MAD1L1: variants seen among roughly 807,000 people sequenced by gnomAD.
The protein encoded by MAD1L1 is mitotic spindle assembly checkpoint protein MAD1.
In MAD1L1, 95 loss-of-function variants were observed where a neutral mutation model predicts 96.9. The observed-to-expected ratio is 0.98, with a 90% CI of 0.83 to 1.16. The LOEUF is 1.16. Ranked by LOEUF, MAD1L1 falls within the 50% of genes most tolerant of loss-of-function variation. The pLI is 0.00. For synonymous variants in MAD1L1, 473 were observed against 396.6 expected (o/e 1.19, Z -2.29); for missense variants, 1,007 against 954.4 (o/e 1.06, Z -0.73).
intron 11 of MAD1L1, among the ~76,000 whole-genome samples, chr7:2,110,496 A>G (rs1787325680): frequency 6.6e-6 from 1 of 152,140 alleles, no homozygotes; most frequent in Admixed American, 6.5e-5. Flanking sequence ...GACAGAGTTC[A>G]CTTCTTCTGA....
At chr7:1,889,575 C>A (rs1786406940) in intron 18 of MAD1L1, among the ~76,000 whole-genome samples, 1 of 151,782 alleles carries the variant, frequency 6.6e-6, no homozygotes, top group African/African-American at 2.4e-5. Flanking sequence ...GCCCCTGCAC[C>A]ATCTCCTATG....
chr7:2,076,529 A>G (rs796190965), intron 11 of MAD1L1, among the ~76,000 whole-genome samples: 31 of 152,324 alleles, frequency 2.0e-4, no homozygotes, highest in African/African-American at 6.7e-4. Flanking sequence ...GTGAGCCCGA[A>G]CACAGACGGT....
intron 18 of MAD1L1, among the ~76,000 whole-genome samples, chr7:1,869,774 C>T (rs1562474462): frequency 6.6e-6 from 1 of 152,188 alleles, no homozygotes. Flanking sequence ...CTCCATGGAA[C>T]ACATCACGAC....
At chr7:2,062,625 T>C (rs1784711959) in intron 12 of MAD1L1, among the ~76,000 whole-genome samples, 1 of 151,698 alleles carries the variant, frequency 6.6e-6, no homozygotes, top group African/African-American at 2.4e-5. Context: ...GCCCTGGAGC[T>C]GAGGGAGCGG....
intron 18 of MAD1L1, among the ~76,000 whole-genome samples, chr7:1,857,480 C>G (rs566390238): frequency 2.0e-5 from 3 of 152,306 alleles, no homozygotes; most frequent in Non-Finnish European, 4.4e-5. Flanking sequence ...TCCCCCACCC[C>G]GCGTGTGCAG....
chr7:1,842,228 G>C (rs558031024), intron 18 of MAD1L1, among the ~76,000 whole-genome samples: 1 of 152,158 alleles, frequency 6.6e-6, no homozygotes, highest in East Asian at 1.9e-4. Context: ...CTACCATGCC[G>C]GTAATTAAGC....
chr7:2,058,902 G>A (rs878877329), intron 12 of MAD1L1, among the ~76,000 whole-genome samples: 10 of 44,442 alleles, frequency 2.3e-4, no homozygotes, highest in African/African-American at 7.3e-4. Context: ...GTGTGGCCAG[G>A]GGAGAGGCGC....
At chr7:1,836,525 G>T (rs1782944558) in intron 18 of MAD1L1, among the ~76,000 whole-genome samples, 1 of 152,166 alleles carries the variant, frequency 6.6e-6, no homozygotes, top group Non-Finnish European at 1.5e-5. Flanking sequence ...TATTCAAAAT[G>T]GAGTCACTCT....
chr7:2,033,188 C>T lies in MAD1L1; in HGVS notation c.1219-18546G>A, dbSNP rs117368852. ...TGTGCTGGCCAGGAGGTGGGCCCTT[C>T]GATCATCCCATTCTCACAGAGACAG... is the stretch of plus-strand genomic sequence containing the variant. On this transcript the variant is annotated intron_variant, in intron 12 of 18. Coordinates refer to ENST00000265854, the MANE Select transcript of MAD1L1 (RefSeq NM_001013836.2). Among the ~76,000 whole-genome samples the T allele has an allele frequency of 1.8e-4, 28 of 152,364 alleles. No homozygotes were observed. The East Asian group carries it at 3.9e-3, about 21-fold the overall frequency.
At chr7:1,963,230 C>T (rs954380161) in intron 15 of MAD1L1, among the ~76,000 whole-genome samples, 3 of 152,182 alleles carry the variant, frequency 2.0e-5, no homozygotes, top group South Asian at 4.1e-4. Context: ...TGTCTCCATA[C>T]GACAGAACAC....
intron 14 of MAD1L1, among the ~76,000 whole-genome samples, chr7:1,990,695 C>G (rs1584015831): frequency 6.6e-6 from 1 of 152,248 alleles, no homozygotes; most frequent in African/African-American, 2.4e-5. Flanking sequence ...CTGCAGCGTG[C>G]CCAGGGCCGC....
chr7:1,856,860 G>C (rs368216164), intron 18 of MAD1L1, among the ~76,000 whole-genome samples: 12 of 152,294 alleles, frequency 7.9e-5, no homozygotes, highest in African/African-American at 2.9e-4. Context: ...TGTCACCCTG[G>C]GGGAGGGAGA....
chr7:2,149,008 G>A (rs1458879179), intron 11 of MAD1L1, 144 bp downstream of exon 11: 6 of 697,844 alleles, frequency 8.6e-6, no homozygotes, highest in Non-Finnish European at 1.3e-5. Flanking sequence ...TCAAATCCCT[G>A]CTCCCCCATC....
chr7:1,915,799 A>G (rs2056481), intron 17 of MAD1L1, among the ~76,000 whole-genome samples: 45,558 of 152,184 alleles, frequency 0.3, 8,096 homozygotes, highest in East Asian at 0.48. Context: ...CACGCCACGA[A>G]CAGAACCAGC....
At chr7:1,971,459 C>T (rs1042366694) in intron 15 of MAD1L1, among the ~76,000 whole-genome samples, 24 of 152,066 alleles carry the variant, frequency 1.6e-4, no homozygotes, top group African/African-American at 5.8e-4. Flanking sequence ...TTAAGACTTA[C>T]AAAAACCTAT....
rs187044585 is a variant in MAD1L1 at position 2,068,421 on chromosome 7, G to T, written c.1218+773C>A. ...AAGAGGCTTGGTTTTCATCAAAAAC[G>T]ATCAAGAACAGGTAAACATCCATGA... On this transcript the variant is annotated intron_variant, in intron 12 of 18. Transcript: ENST00000265854. 4.1e-4 allele frequency among the ~76,000 whole-genome samples: 62 copies of T among 152,336 alleles called. 2 individuals carry two copies. The East Asian group carries it at 9.8e-3, about 24-fold the overall frequency.
intron 14 of MAD1L1, among the ~76,000 whole-genome samples, chr7:1,998,357 T>C (rs1320932651): frequency 1.3e-5 from 2 of 152,224 alleles, no homozygotes; most frequent in Admixed American, 6.5e-5. Flanking sequence ...CTGTTGGACA[T>C]GGGGAGTCCA....
At chr7:2,030,173 G>T (rs1562621253) in intron 12 of MAD1L1, among the ~76,000 whole-genome samples, 1 of 152,190 alleles carries the variant, frequency 6.6e-6, no homozygotes, top group Admixed American at 6.5e-5. Flanking sequence ...CCAGAGCTGT[G>T]TACAGGTGCA....
intron 11 of MAD1L1, among the ~76,000 whole-genome samples, chr7:2,095,498 T>C (rs1786440076): frequency 6.6e-6 from 1 of 152,198 alleles, no homozygotes; most frequent in Non-Finnish European, 1.5e-5. Context: ...GCTCCCAGGC[T>C]GCAAACGGAG....
Sources: gnomAD v4.1 joint callset for allele counts (sites outside exome capture counted in the v4.1 genomes callset) on GRCh38, gnomAD v4.1.1 for gene constraint, MANE v1.5 for transcripts, NCBI Gene and HGNC (gene_info 2026-07-23, HGNC 2026-07-21) for gene names.